The following NLGN1 variants were observed in gnomAD, a reference collection of about 807,000 sequenced individuals.
NLGN1 encodes the protein neuroligin-1.
Under a neutral mutation model 65.5 loss-of-function variants are expected in NLGN1, and 12 were observed. The observed-to-expected ratio is 0.18, with a 90% CI of 0.12 to 0.30. The LOEUF (loss-of-function observed/expected upper bound fraction) is 0.30, where lower values mean the gene tolerates loss of function less well. Among genes scored for constraint, NLGN1 ranks in the 10% least tolerant of loss-of-function variants. NLGN1 has a pLI of 1.00. For missense variants in NLGN1, 750 were observed against 1,007.1 expected (o/e 0.74, Z 3.46); for synonymous variants, 350 against 359.5 (o/e 0.97, Z 0.30).
At chr3:173,631,228 G>A (rs1755636930) in intron 3 of NLGN1, among the ~76,000 whole-genome samples, 2 of 152,118 alleles carry the variant, frequency 1.3e-5, no homozygotes, top group African/African-American at 2.4e-5. Context: ...GCAGGCAGAG[G>A]GAAGATTCTA....
chr3:173,461,340 C>T (rs1271516621), intron 2 of NLGN1, among the ~76,000 whole-genome samples: 1 of 151,998 alleles, frequency 6.6e-6, no homozygotes, highest in East Asian at 1.9e-4. Context: ...TGTACTAGTT[C>T]TCCCAGACCC....
chr3:173,865,611 A>T (rs1042357526), intron 4 of NLGN1, among the ~76,000 whole-genome samples: 23 of 152,290 alleles, frequency 1.5e-4, no homozygotes, highest in African/African-American at 5.5e-4. Flanking sequence ...GATCAAGATT[A>T]CCCAGCTGGG....
chr3:173,936,478 C>CCATTGTGAA (rs1745095494), intron 4 of NLGN1, among the ~76,000 whole-genome samples: 1 of 152,048 alleles, frequency 6.6e-6, no homozygotes. Context: ...CAGTGTGACA[C>CCATTGTGAA]CATTGTGAAT....
chr3:173,450,118 G>A (rs1291659914), intron 2 of NLGN1, among the ~76,000 whole-genome samples: 1 of 152,158 alleles, frequency 6.6e-6, no homozygotes, highest in Non-Finnish European at 1.5e-5. Context: ...ATGTTAGCTG[G>A]TTATTTTGCT....
At chr3:173,726,950 AAAAG>A (rs1221090184) in intron 3 of NLGN1, among the ~76,000 whole-genome samples, 12 of 152,010 alleles carry the variant, frequency 7.9e-5, no homozygotes, top group South Asian at 2.1e-4. Context: ...CAAAAAAAAA[AAAAG>A]AAGAAGAAGA....
intron 4 of NLGN1, among the ~76,000 whole-genome samples, chr3:174,190,491 CTTA>C (rs1029623782): frequency 6.6e-6 from 1 of 151,912 alleles, no homozygotes; most frequent in Non-Finnish European, 1.5e-5. Context: ...ACTTATTAGA[CTTA>C]TTGTAAAAAT....
At chr3:173,563,232 G>A (rs1743067648) in intron 2 of NLGN1, among the ~76,000 whole-genome samples, 1 of 152,222 alleles carries the variant, frequency 6.6e-6, no homozygotes, top group Non-Finnish European at 1.5e-5. Context: ...TGAATAAAGA[G>A]AACACAGTGT....
intron 1 of NLGN1, among the ~76,000 whole-genome samples, chr3:173,413,980 A>C (rs1713149180): frequency 6.6e-6 from 1 of 152,210 alleles, no homozygotes; most frequent in African/African-American, 2.4e-5. Context: ...ACGCGGTTCC[A>C]CACTGTAGTG....
chr3:173,404,020 G>C (rs1430299327), intron 1 of NLGN1, among the ~76,000 whole-genome samples: 1 of 152,098 alleles, frequency 6.6e-6, no homozygotes, highest in East Asian at 1.9e-4. Context: ...TAGCAGTTGT[G>C]CTTGAGTTAT....
rs142517428 is a variant in NLGN1 at position 174,226,246 on chromosome 3, T to TATG, written c.647-49066_647-49064dup. On this transcript the variant is annotated intron_variant, in intron 4 of 6. Transcript: ENST00000457714. ...AGTACATGGTTTCTAATTGAAGGCA[T>TATG]ATGATAGTCCTAGGAGCAAGAGGTA... Among the ~76,000 whole-genome samples the TATG allele has an allele frequency of 3.4e-3, 515 of 152,242 alleles. 4 individuals carry two copies. The highest frequency in any genetic ancestry group is 0.012 in the African/African-American group (480 of 41,528).
intron 3 of NLGN1, among the ~76,000 whole-genome samples, chr3:173,663,438 A>G (rs1471192197): frequency 6.6e-6 from 1 of 152,052 alleles, no homozygotes; most frequent in Non-Finnish European, 1.5e-5. Context: ...AAACAAGGAA[A>G]AAACAGGACA....
At chr3:174,109,480 T>A (rs377478084) in intron 4 of NLGN1, among the ~76,000 whole-genome samples, 3 of 152,048 alleles carry the variant, frequency 2.0e-5, no homozygotes. Flanking sequence ...CTCCTCATGT[T>A]TGACCATGCA....
chr3:174,206,753 G>A (rs1319170548), intron 4 of NLGN1, among the ~76,000 whole-genome samples: 4 of 152,168 alleles, frequency 2.6e-5, no homozygotes, highest in African/African-American at 9.7e-5. Flanking sequence ...GGGGAAAAGA[G>A]CATTAGAACC....
intron 3 of NLGN1, among the ~76,000 whole-genome samples, chr3:173,663,541 G>A (rs1161399837): frequency 6.6e-6 from 1 of 151,922 alleles, no homozygotes; most frequent in Non-Finnish European, 1.5e-5. Flanking sequence ...ATAGAAGCTA[G>A]TGCCAAAATA....
At chr3:174,131,042 A>G (rs750543649) in intron 4 of NLGN1, among the ~76,000 whole-genome samples, 8 of 152,142 alleles carry the variant, frequency 5.3e-5, no homozygotes, top group Non-Finnish European at 1.2e-4. Flanking sequence ...AAATAGTGTA[A>G]TGAATGTATC....
At chr3:174,211,454 G>A (rs1438338471) in intron 4 of NLGN1, among the ~76,000 whole-genome samples, 9 of 151,964 alleles carry the variant, frequency 5.9e-5, no homozygotes. Context: ...TAGATACAGA[G>A]TGTCGGTTGT....
chr3:174,285,459 T>C (rs757917722), exon 7 of NLGN1: 5 of 151,454 alleles, frequency 3.3e-5, no homozygotes, highest in Admixed American at 6.6e-5. Flanking sequence ...TTGTCAAGCT[T>C]TACTGTTACG....
chr3:173,755,794 G>A (rs1191859039), intron 3 of NLGN1, among the ~76,000 whole-genome samples: 5 of 152,036 alleles, frequency 3.3e-5, no homozygotes, highest in Admixed American at 3.3e-4. Context: ...GATATCAAAG[G>A]CATAGTCAAC....
intron 3 of NLGN1, among the ~76,000 whole-genome samples, chr3:173,652,608 C>T (rs1477936949): frequency 6.6e-6 from 1 of 152,124 alleles, no homozygotes; most frequent in Non-Finnish European, 1.5e-5. Context: ...ATCTATTTGT[C>T]TGTTTGTATA....
Sources: allele counts gnomAD v4.1 joint callset (sites outside exome capture counted in the v4.1 genomes callset), GRCh38; gene constraint gnomAD v4.1.1; transcripts MANE v1.5; gene names NCBI Gene and HGNC (gene_info 2026-07-23, HGNC 2026-07-21).